The following PDE4D variants were observed in gnomAD, a reference collection of about 807,000 sequenced individuals.
PDE4D encodes phosphodiesterase 4D.
Under a neutral mutation model 87.4 loss-of-function variants are expected in PDE4D, and 24 were observed. The observed-to-expected ratio is 0.27, with a 90% confidence interval of 0.20 to 0.39. PDE4D has a LOEUF of 0.39. Ranked by LOEUF, PDE4D falls within the 10% of genes least tolerant of loss-of-function variation. PDE4D has a pLI of 1.00. For missense variants in PDE4D, 714 were observed against 1,041.0 expected, an observed-to-expected ratio of 0.69 and a Z score of 4.32; for synonymous variants, 384 against 383.2, an observed-to-expected ratio of 1.00 and a Z score of -0.02.
At chr5:60,009,088 T>C (rs1764764728) in intron 2 of PDE4D, among the ~76,000 whole-genome samples, 1 of 152,030 alleles carries the variant, frequency 6.6e-6, no homozygotes, top group South Asian at 2.1e-4. Context: ...CATTGATTCA[T>C]GAATACAGGC....
chr5:59,036,231 G>A (rs1482683874), intron 6 of PDE4D, among the ~76,000 whole-genome samples: 1 of 152,126 alleles, frequency 6.6e-6, no homozygotes, highest in Non-Finnish European at 1.5e-5. Flanking sequence ...TAAAAATCCT[G>A]ATCTCTTACT....
intron 1 of PDE4D, among the ~76,000 whole-genome samples, chr5:59,733,904 T>C (rs559394517): frequency 3.8e-4 from 58 of 152,238 alleles, no homozygotes; most frequent in African/African-American, 1.3e-3. Context: ...TTCTTGTTAT[T>C]ACTGAAAGAG....
intron 2 of PDE4D, among the ~76,000 whole-genome samples, chr5:60,039,377 T>A (rs1218375503): frequency 6.7e-6 from 1 of 148,510 alleles, no homozygotes; most frequent in Non-Finnish European, 1.5e-5. Flanking sequence ...TAGGTGGGAA[T>A]TGAACAATGA....
chr5:59,784,252 T>TAAA (rs60194125), intron 1 of PDE4D, among the ~76,000 whole-genome samples: 14 of 142,452 alleles, frequency 9.8e-5, no homozygotes, highest in African/African-American at 3.5e-4. Flanking sequence ...TTTTTTTTTT[T>TAAA]AAAAAAAAAA....
At chr5:59,560,893 T>C (rs563407560) in intron 1 of PDE4D, 1 of 152,344 alleles carries the variant, frequency 6.6e-6, no homozygotes, top group South Asian at 2.1e-4. Flanking sequence ...GTTTGTATTT[T>C]ATCTTCAGGG....
At chr5:60,447,415 T>G (rs1227848703) in intron 1 of PDE4D, among the ~76,000 whole-genome samples, 1 of 152,194 alleles carries the variant, frequency 6.6e-6, no homozygotes, top group Non-Finnish European at 1.5e-5. Flanking sequence ...CTTTGCAGGT[T>G]TATCTTTGTG....
intron 1 of PDE4D, among the ~76,000 whole-genome samples, chr5:59,561,632 A>G (rs757337278): frequency 7.9e-5 from 12 of 152,190 alleles, no homozygotes; most frequent in Non-Finnish European, 1.5e-4. Flanking sequence ...TCTCAGTGTT[A>G]AAATATTTTA....
intron 5 of PDE4D, among the ~76,000 whole-genome samples, chr5:59,075,101 C>G (rs1469864122): frequency 6.6e-6 from 1 of 151,190 alleles, no homozygotes; most frequent in Admixed American, 6.6e-5. Flanking sequence ...CACACACACA[C>G]ACACACACAC....
At chr5:59,361,233 A>T (rs888363534) in intron 1 of PDE4D, among the ~76,000 whole-genome samples, 21 of 152,184 alleles carry the variant, frequency 1.4e-4, no homozygotes, top group African/African-American at 5.1e-4. Flanking sequence ...TTTTATGTTT[A>T]TTGAATATCT....
chr5:59,698,998 C>T (rs1300336371), intron 1 of PDE4D, among the ~76,000 whole-genome samples: 1 of 152,154 alleles, frequency 6.6e-6, no homozygotes, highest in Non-Finnish European at 1.5e-5. Flanking sequence ...ATGCAGTGTA[C>T]TTTGTACCTC....
In PDE4D at chr5:59,288,283, G is replaced by C. The variant is rs186472306; in HGVS notation, c.456-72315C>G. ...TTTAAAAGAATCAAGCGGAAATTCT[G>C]GAGTTAAAACACGCAACTGACATAC... On this transcript the variant is annotated intron_variant, in intron 1 of 14. Transcript: ENST00000340635. 3.0e-3 allele frequency among the ~76,000 whole-genome samples: 457 copies of C among 151,912 alleles called. 1 individual carries two copies. The highest frequency in any genetic ancestry group is 0.022 in the South Asian group (105 of 4,786).
intron 1 of PDE4D, among the ~76,000 whole-genome samples, chr5:59,610,537 CAT>C (rs1267540787): frequency 2.0e-5 from 3 of 152,154 alleles, no homozygotes; most frequent in African/African-American, 7.2e-5. Flanking sequence ...TCAACTGCCA[CAT>C]GTTTTTAGAC....
intron 1 of PDE4D, among the ~76,000 whole-genome samples, chr5:60,342,884 T>A (rs190850365): frequency 2.0e-5 from 3 of 152,312 alleles, no homozygotes; most frequent in Non-Finnish European, 2.9e-5. Context: ...TGGAATTTTT[T>A]AATTTTATGT....
intron 2 of PDE4D, among the ~76,000 whole-genome samples, chr5:60,115,578 T>C (rs1165296816): frequency 6.6e-6 from 1 of 152,076 alleles, no homozygotes; most frequent in Non-Finnish European, 1.5e-5. Flanking sequence ...AATCTATGTA[T>C]TATCTCTATT....
intron 1 of PDE4D, among the ~76,000 whole-genome samples, chr5:59,609,617 C>T (rs755133595): frequency 2.6e-5 from 4 of 152,092 alleles, no homozygotes; most frequent in Non-Finnish European, 4.4e-5. Flanking sequence ...GAACCCTCTC[C>T]CTCCACCACA....
chr5:60,459,290 C>A (rs557529730), intron 1 of PDE4D, among the ~76,000 whole-genome samples: 1 of 152,174 alleles, frequency 6.6e-6, no homozygotes, highest in East Asian at 1.9e-4. Context: ...AATAAACATG[C>A]CAAAGGAGAA....
At chr5:59,976,485 T>A (rs1761348800) in intron 3 of PDE4D, among the ~76,000 whole-genome samples, 1 of 152,276 alleles carries the variant, frequency 6.6e-6, no homozygotes, top group Admixed American at 6.5e-5. Context: ...TCTCTTGTCA[T>A]CTGACAAAGC....
intron 5 of PDE4D, among the ~76,000 whole-genome samples, chr5:59,051,748 T>C (rs879583158): frequency 1.3e-5 from 2 of 152,244 alleles, no homozygotes; most frequent in Non-Finnish European, 2.9e-5. Flanking sequence ...AACTATCACC[T>C]CTTGAAGAAT....
intron 1 of PDE4D, among the ~76,000 whole-genome samples, chr5:60,210,199 C>A (rs1314414017): frequency 6.6e-6 from 1 of 152,066 alleles, no homozygotes; most frequent in Non-Finnish European, 1.5e-5. Context: ...TTTAGTAAAA[C>A]TGCTATTTGT....
Sources: allele counts gnomAD v4.1 joint callset (sites outside exome capture counted in the v4.1 genomes callset), GRCh38; gene constraint gnomAD v4.1.1; transcripts MANE v1.5; gene names NCBI Gene and HGNC (gene_info 2026-07-23, HGNC 2026-07-21).